Variants in NPEPPS observed in about 807,000 individuals in gnomAD.
NPEPPS encodes the protein puromycin-sensitive aminopeptidase.
NPEPPS carries 14 observed loss-of-function variants against 115.5 expected under a neutral mutation model. That is an observed-to-expected ratio of 0.12 (90% CI 0.08 to 0.19). The LOEUF (loss-of-function observed/expected upper bound fraction) is 0.19. NPEPPS is among the 10% of genes least tolerant of loss of function. NPEPPS has a pLI of 1.00. For missense variants in NPEPPS, 523 were observed against 1,110.8 expected (o/e 0.47, Z 7.52); for synonymous variants, 285 against 390.6 (o/e 0.73, Z 3.19).
intron 17 of NPEPPS, among the ~76,000 whole-genome samples, chr17:47,609,020 C>T (rs996006203): frequency 2.0e-5 from 3 of 152,004 alleles, no homozygotes; most frequent in African/African-American, 4.8e-5. Context: ...AGGAGTTTTG[C>T]TGAGAAGATC....
rs199946088 is a variant in NPEPPS at position 47,623,088 on chromosome 17, C to CT, written c.*1176dup. On this transcript the variant is annotated 3_prime_UTR_variant, in exon 23 of 23. Coordinates refer to ENST00000322157, the MANE Select transcript of NPEPPS (RefSeq NM_006310.4). ...TCTCATTCCCTTCTTCTTTCCCTAC[C>CT]TTTTTTTTCTTTTTTTCTTAAAAAA... 4.3e-5 allele frequency: 11 copies of CT among 253,566 alleles called. No individual in the cohort carries two copies. The highest frequency in any genetic ancestry group is 2.8e-4 in the East Asian group (2 of 7,194). 15.7% of individuals were successfully genotyped at this position (253,566 alleles called of 1,614,324 possible). A position where few individuals can be genotyped will look rare whatever the true frequency, so the allele number is the denominator to read the frequency against.
intron 7 of NPEPPS, 38 bp downstream of exon 7, chr17:47,586,282 C>G: frequency 9.2e-7 from 1 of 1,091,112 alleles, no homozygotes; most frequent in Non-Finnish European, 1.2e-6. Flanking sequence ...ATTGTAATAA[C>G]TTTTTAAAAT....
At chr17:47,525,795 C>A (rs1032785560) in intron 1 of NPEPPS, among the ~76,000 whole-genome samples, 4 of 152,154 alleles carry the variant, frequency 2.6e-5, no homozygotes, top group African/African-American at 9.7e-5. Context: ...ATTGGTTAGT[C>A]AGCTCAATAA....
At chr17:47,575,288 C>T (rs941450956) in intron 3 of NPEPPS, among the ~76,000 whole-genome samples, 7 of 152,208 alleles carry the variant, frequency 4.6e-5, no homozygotes, top group Non-Finnish European at 1.0e-4. Flanking sequence ...CCATGCCATA[C>T]ATAATGTTCT....
intron 1 of NPEPPS, among the ~76,000 whole-genome samples, chr17:47,532,515 G>T (rs1356334581): frequency 6.6e-6 from 1 of 151,944 alleles, no homozygotes; most frequent in East Asian, 1.9e-4. Context: ...TTAGCGGGGC[G>T]TGGTGGCGGG....
upstream of NPEPPS, among the ~76,000 whole-genome samples, chr17:47,530,659 T>G (rs1226313445): frequency 6.6e-6 from 1 of 152,148 alleles, no homozygotes; most frequent in Non-Finnish European, 1.5e-5. Context: ...GCCCGGCTAT[T>G]AAAGGTTTTA....
upstream of NPEPPS, among the ~76,000 whole-genome samples, chr17:47,527,504 A>G (rs1214183677): frequency 6.6e-6 from 1 of 151,966 alleles, no homozygotes; most frequent in Non-Finnish European, 1.5e-5. Flanking sequence ...CCAAAACAAA[A>G]GAAAAAAAAC....
chr17:47,537,433 C>G (rs1238366716), intron 1 of NPEPPS, among the ~76,000 whole-genome samples: 1 of 152,126 alleles, frequency 6.6e-6, no homozygotes, highest in Non-Finnish European at 1.5e-5. Context: ...GTGGCTCACG[C>G]CTGTAATCCC....
intron 2 of NPEPPS, among the ~76,000 whole-genome samples, chr17:47,564,286 A>G (rs1910647915): frequency 6.6e-6 from 1 of 151,994 alleles, no homozygotes; most frequent in African/African-American, 2.4e-5. Context: ...TCAGCTACTC[A>G]GGAGGCTGAG....
intron 18 of NPEPPS, among the ~76,000 whole-genome samples, chr17:47,613,257 CTTTTTTTTT>C (rs753383358): frequency 4.1e-5 from 4 of 98,226 alleles, no homozygotes; most frequent in South Asian, 3.2e-4. Context: ...ATAATATTTA[CTTTTTTTTT>C]TTTTTTTTTT....
intron 3 of NPEPPS, 29 bp downstream of exon 3, chr17:47,569,523 G>T (rs746194340): frequency 5.9e-6 from 6 of 1,008,440 alleles, no homozygotes; most frequent in African/African-American, 1.6e-5. Flanking sequence ...GTAAAATCTC[G>T]TGATGAATAT....
chr17:47,610,653 A>G (rs1239236603), intron 17 of NPEPPS, among the ~76,000 whole-genome samples: 3 of 151,606 alleles, frequency 2.0e-5, no homozygotes, highest in Non-Finnish European at 4.4e-5. Flanking sequence ...AAGTGCTGGG[A>G]TTACAGGCGT....
chr17:47,583,954 C>T (rs1400926142), intron 5 of NPEPPS, among the ~76,000 whole-genome samples: 3 of 149,904 alleles, frequency 2.0e-5, no homozygotes, highest in Non-Finnish European at 4.4e-5. Context: ...GGCATGGTGG[C>T]TCATGCCTGT....
At chr17:47,567,616 TA>T (rs1187201176) in intron 2 of NPEPPS, among the ~76,000 whole-genome samples, 1 of 152,008 alleles carries the variant, frequency 6.6e-6, no homozygotes, top group Non-Finnish European at 1.5e-5. Flanking sequence ...GTTTTTAGTC[TA>T]TTTACAGAGT....
At chr17:47,558,746 G>T (rs1910228685) in intron 2 of NPEPPS, among the ~76,000 whole-genome samples, 2 of 152,106 alleles carry the variant, frequency 1.3e-5, no homozygotes, top group African/African-American at 4.8e-5. Flanking sequence ...TTAAGATAGG[G>T]TCTTGCGGCT....
At chr17:47,529,560 A>G (rs1167060920), upstream of NPEPPS, among the ~76,000 whole-genome samples, 1 of 147,874 alleles carries the variant, frequency 6.8e-6, no homozygotes, top group Non-Finnish European at 1.5e-5. Context: ...ACATGACACT[A>G]TGCCAGGCTA....
chr17:47,570,925 C>T (rs973213690), intron 3 of NPEPPS, among the ~76,000 whole-genome samples: 1 of 152,070 alleles, frequency 6.6e-6, no homozygotes, highest in Non-Finnish European at 1.5e-5. Flanking sequence ...TCCTTTGACC[C>T]AGCAATTCTG....
upstream of NPEPPS, among the ~76,000 whole-genome samples, chr17:47,530,102 ATTTTTTTT>A (rs5820660): frequency 8.0e-6 from 1 of 124,474 alleles, no homozygotes; most frequent in South Asian, 2.7e-4. Context: ...AAGCCCGGCT[ATTTTTTTT>A]TTTTTTGTAT....
intron 2 of NPEPPS, among the ~76,000 whole-genome samples, chr17:47,549,210 G>A (rs1317855449): frequency 4.6e-5 from 7 of 152,030 alleles, no homozygotes; most frequent in South Asian, 4.2e-4. Context: ...GGGTGTGGTG[G>A]CGGGTGCCTG....
Sources: allele counts gnomAD v4.1 joint callset (sites outside exome capture counted in the v4.1 genomes callset), GRCh38; gene constraint gnomAD v4.1.1; transcripts MANE v1.5; gene names NCBI Gene and HGNC (gene_info 2026-07-23, HGNC 2026-07-21).